The following TEX11 variants were observed in gnomAD, a reference collection of about 807,000 sequenced individuals.
TEX11 encodes testis expressed 11.
TEX11 carries 7 observed loss-of-function variants against 84.4 expected under a neutral mutation model. The ratio of observed to expected loss-of-function variants is 0.08; its 90% confidence interval spans 0.05 to 0.16. The LOEUF is 0.16. Ranked by LOEUF, TEX11 falls within the 10% of genes least tolerant of loss-of-function variation. The probability of loss-of-function intolerance (pLI) is 1.00; values close to 1 mark genes in which losing one functional copy is unlikely to be tolerated. For missense variants in TEX11, 551 were observed against 660.5 expected, an observed-to-expected ratio of 0.83 and a Z score of 1.82; for synonymous variants, 264 against 222.8, an observed-to-expected ratio of 1.18 and a Z score of -1.64.
chrX:70,547,536 A>G (rs916316619), intron 28 of TEX11, among the ~76,000 whole-genome samples: 6 of 111,651 alleles, frequency 5.4e-5, no homozygotes, highest in African/African-American at 2.0e-4. Context: ...AAGGGCTAAT[A>G]TCCAGAATCT....
At chrX:70,781,901 T>G (rs777811634) in intron 9 of TEX11, among the ~76,000 whole-genome samples, 158 of 111,532 alleles carry the variant, frequency 1.4e-3, no homozygotes, top group Middle Eastern at 4.6e-3. Flanking sequence ...CTTCAGGATA[T>G]TATCCAGGAG....
At chrX:70,823,787 A>T (rs2091330897) in intron 8 of TEX11, among the ~76,000 whole-genome samples, 1 of 110,813 alleles carries the variant, frequency 9.0e-6, no homozygotes, top group Admixed American at 9.7e-5. Flanking sequence ...AAGGCAGATC[A>T]CTTGAAATCA....
At chrX:70,901,308 T>C (rs1460143731) in intron 2 of TEX11, among the ~76,000 whole-genome samples, 1 of 111,878 alleles carries the variant, frequency 8.9e-6, no homozygotes, top group Non-Finnish European at 1.9e-5. Flanking sequence ...TATATTATTA[T>C]CTAAAGAGAA....
At chrX:70,896,613 C>A (rs1323942686) in intron 2 of TEX11, among the ~76,000 whole-genome samples, 1 of 111,408 alleles carries the variant, frequency 9.0e-6, no homozygotes, top group East Asian at 2.8e-4. Context: ...AGACTTGGAA[C>A]CAACCCAAAC....
At chrX:70,605,664 T>C in intron 23 of TEX11, 147 bp from the exon 24 acceptor site, 1 of 391,286 alleles carries the variant, frequency 2.6e-6, no homozygotes, top group African/African-American at 2.5e-5. Context: ...ATATAAACTA[T>C]AATACTGATT....
intron 15 of TEX11, among the ~76,000 whole-genome samples, chrX:70,676,555 T>C (rs1014413900): frequency 1.8e-5 from 2 of 112,417 alleles, no homozygotes; most frequent in Non-Finnish European, 3.8e-5. Context: ...TTTGAGAATT[T>C]TGATTACGTG....
intron 2 of TEX11, among the ~76,000 whole-genome samples, chrX:70,898,925 T>TAATA (rs1247505989): frequency 8.9e-6 from 1 of 111,940 alleles, no homozygotes; most frequent in African/African-American, 3.2e-5. Flanking sequence ...CTATTCCCCC[T>TAATA]AATAGGTGCA....
At chrX:70,899,994 G>A (rs777014530) in intron 2 of TEX11, among the ~76,000 whole-genome samples, 6 of 102,198 alleles carry the variant, frequency 5.9e-5, no homozygotes, top group African/African-American at 1.8e-4. Flanking sequence ...GGTGAAACCC[G>A]GTCTCTACTA....
At chrX:70,895,076 A>C (rs2091759773) in intron 2 of TEX11, among the ~76,000 whole-genome samples, 1 of 111,690 alleles carries the variant, frequency 9.0e-6, no homozygotes, top group African/African-American at 3.2e-5. Flanking sequence ...TCAAATAGGA[A>C]GAGAGGAAGC....
At chrX:70,846,015 C>T (rs2091477335) in intron 7 of TEX11, 1 of 111,326 alleles carries the variant, frequency 9.0e-6, no homozygotes, top group South Asian at 3.8e-4. Flanking sequence ...CATCTTTACT[C>T]GCTTATCAAG....
At chrX:70,820,453 T>C (rs1453209765) in intron 8 of TEX11, among the ~76,000 whole-genome samples, 1 of 112,344 alleles carries the variant, frequency 8.9e-6, no homozygotes, top group East Asian at 2.8e-4. Flanking sequence ...CGCATTGCTA[T>C]AAAGAAATAC....
chrX:70,518,663 A>T, the TEX11 span, among the ~76,000 whole-genome samples: 1 of 111,470 alleles, frequency 9.0e-6, no homozygotes, highest in African/African-American at 3.3e-5. Flanking sequence ...GGTGAGTTCA[A>T]GTCCTGGATA....
intron 24 of TEX11, among the ~76,000 whole-genome samples, chrX:70,599,088 G>A (rs1296654619): frequency 9.0e-6 from 1 of 111,406 alleles, no homozygotes; most frequent in Non-Finnish European, 1.9e-5. Flanking sequence ...ATATAATCAA[G>A]GATAGGGATC....
chrX:70,798,885 A>C (rs1326800293), intron 9 of TEX11, among the ~76,000 whole-genome samples: 1 of 92,976 alleles, frequency 1.1e-5, no homozygotes, highest in Non-Finnish European at 2.4e-5. Context: ...AAACTGTAAA[A>C]TTACTAGAAG....
intron 13 of TEX11, among the ~76,000 whole-genome samples, chrX:70,715,871 T>C (rs1185753306): frequency 1.8e-5 from 2 of 110,733 alleles, no homozygotes; most frequent in Non-Finnish European, 3.8e-5. Flanking sequence ...GGTGCTCTGA[T>C]TTTTAGAGTT....
intron 17 of TEX11, among the ~76,000 whole-genome samples, chrX:70,646,869 C>T (rs755651718): frequency 2.7e-5 from 3 of 111,759 alleles, no homozygotes; most frequent in African/African-American, 9.8e-5. Flanking sequence ...CCAGCAGTCC[C>T]ACTACGTAGT....
At chrX:70,708,539 A>G (rs1213850980) in intron 13 of TEX11, among the ~76,000 whole-genome samples, 1 of 111,926 alleles carries the variant, frequency 8.9e-6, no homozygotes, top group Non-Finnish European at 1.9e-5. Flanking sequence ...AAAGACAAGG[A>G]ATCAACATAG....
rs183807025 is a variant in TEX11 at position 70,574,462 on chromosome X, G to A, written c.2140+17289C>T. On this transcript the variant is annotated intron_variant, in intron 25 of 29. Transcript: ENST00000374333. ...CTCCATTAAGTACTTTTTTCTAAAT[G>A]TTCCTCTCCCAGAGTATACGCTGAT... Among the ~76,000 whole-genome samples, 314 of 111,256 alleles carry A rather than the reference G, an allele frequency of 2.8e-3. 3 individuals are homozygous for A. Among genetic ancestry groups the A allele is most frequent in the African/African-American group, 9.6e-3 (294 of 30,691 alleles).
At chrX:70,843,096 C>G in intron 7 of TEX11, among the ~76,000 whole-genome samples, 1 of 111,533 alleles carries the variant, frequency 9.0e-6, no homozygotes, top group Non-Finnish European at 1.9e-5. Context: ...ATCAAGCTAC[C>G]AACAACTTTC....
Sources: gnomAD v4.1 joint callset for allele counts (sites outside exome capture counted in the v4.1 genomes callset) on GRCh38, gnomAD v4.1.1 for gene constraint, MANE v1.5 for transcripts, NCBI Gene and HGNC (gene_info 2026-07-23, HGNC 2026-07-21) for gene names.